The following HS6ST3 variants were observed in gnomAD, a reference collection of about 807,000 sequenced individuals.
HS6ST3 encodes the protein heparan-sulfate 6-O-sulfotransferase 3.
HS6ST3 carries 12 observed loss-of-function variants against 36.7 expected under a neutral mutation model. That is an observed-to-expected ratio of 0.33 (90% CI 0.21 to 0.53). The LOEUF (loss-of-function observed/expected upper bound fraction) is 0.53. Ranked by LOEUF, HS6ST3 falls within the 20% of genes least tolerant of loss-of-function variation. The pLI, the probability that HS6ST3 is intolerant of heterozygous loss-of-function variation, is 0.95. For synonymous variants in HS6ST3, 240 were observed against 257.5 expected (o/e 0.93, Z 0.65); for missense variants, 584 against 640.9 (o/e 0.91, Z 0.96).
intron 1 of HS6ST3, among the ~76,000 whole-genome samples, chr13:96,451,074 G>T (rs986969): frequency 0.29 from 43,782 of 149,534 alleles, 6,819 homozygotes; most frequent in South Asian, 0.46. Flanking sequence ...TCATAGAACA[G>T]TATTACCTCA....
intron 1 of HS6ST3, among the ~76,000 whole-genome samples, chr13:96,737,161 G>T (rs1377410939): frequency 2.6e-5 from 4 of 151,786 alleles, no homozygotes; most frequent in Non-Finnish European, 5.9e-5. Context: ...AGAGAAAGAA[G>T]AATTTATAAA....
At chr13:96,432,764 G>C (rs1411638242) in intron 1 of HS6ST3, among the ~76,000 whole-genome samples, 1 of 151,984 alleles carries the variant, frequency 6.6e-6, no homozygotes, top group Non-Finnish European at 1.5e-5. Context: ...GAAAATGAGA[G>C]AATCAAAATT....
intron 1 of HS6ST3, among the ~76,000 whole-genome samples, chr13:96,750,049 T>C (rs1274146918): frequency 6.6e-6 from 1 of 152,114 alleles, no homozygotes; most frequent in Non-Finnish European, 1.5e-5. Context: ...ACCACAGAGA[T>C]CTTGAACACA....
At chr13:96,102,157 G>A (rs76532441) in intron 1 of HS6ST3, among the ~76,000 whole-genome samples, 180 of 152,126 alleles carry the variant, frequency 1.2e-3, no homozygotes, top group African/African-American at 3.5e-3. Context: ...TGAAAGAGGT[G>A]GACTAATGGA....
intron 1 of HS6ST3, among the ~76,000 whole-genome samples, chr13:96,420,587 T>C (rs1423202816): frequency 6.6e-6 from 1 of 152,236 alleles, no homozygotes; most frequent in African/African-American, 2.4e-5. Context: ...TAGCCGATAA[T>C]TGATGGTCAT....
At chr13:96,712,808 G>C (rs972237903) in intron 1 of HS6ST3, among the ~76,000 whole-genome samples, 2 of 152,162 alleles carry the variant, frequency 1.3e-5, no homozygotes, top group African/African-American at 4.8e-5. Flanking sequence ...GGACTCAGTA[G>C]GTGTGATTTT....
intron 1 of HS6ST3, among the ~76,000 whole-genome samples, chr13:96,135,552 AG>A (rs1365389186): frequency 6.6e-6 from 1 of 152,204 alleles, no homozygotes; most frequent in African/African-American, 2.4e-5. Flanking sequence ...TTTGCTAACT[AG>A]GGCAGAACTA....
At chr13:96,747,179 T>C (rs113728530) in intron 1 of HS6ST3, among the ~76,000 whole-genome samples, 6 of 152,124 alleles carry the variant, frequency 3.9e-5, no homozygotes, top group Non-Finnish European at 8.8e-5. Context: ...TGATTAACAG[T>C]GGCCCAGCTC....
chr13:96,482,219 C>T (rs1299070450), intron 1 of HS6ST3, among the ~76,000 whole-genome samples: 1 of 152,144 alleles, frequency 6.6e-6, no homozygotes, highest in Non-Finnish European at 1.5e-5. Context: ...TTACTAGTTA[C>T]CTATGACACT....
chr13:96,821,721 A>T (rs1459176077), intron 1 of HS6ST3, among the ~76,000 whole-genome samples: 1 of 152,244 alleles, frequency 6.6e-6, no homozygotes, highest in East Asian at 1.9e-4. Flanking sequence ...AAGGAATGGA[A>T]TCAGATTGGA....
rs896231133 is a variant in HS6ST3, at chr13:96,529,626, A to G, written c.708-302864A>G. On this transcript the variant is annotated intron_variant, in intron 1 of 1. Transcript: ENST00000376705. ...AAACTTTTTAACATGTTGAGTCTTG[A>G]TCTTCATAGCCATTATTCTCAAGTT... Among the ~76,000 whole-genome samples the G allele has an allele frequency of 4.1e-4, 63 of 152,152 alleles. 1 individual carries two copies. Among genetic ancestry groups the G allele is most frequent in the African/African-American group, 1.5e-3 (63 of 41,534 alleles).
chr13:96,656,524 A>C (rs1378771512), intron 1 of HS6ST3, among the ~76,000 whole-genome samples: 5 of 152,290 alleles, frequency 3.3e-5, no homozygotes, highest in Admixed American at 2.6e-4. Flanking sequence ...CTCTGAAAGT[A>C]GAATAAAGGC....
intron 1 of HS6ST3, among the ~76,000 whole-genome samples, chr13:96,676,043 C>T (rs1037653573): frequency 3.9e-5 from 6 of 152,114 alleles, no homozygotes; most frequent in Admixed American, 1.3e-4. Flanking sequence ...AAGATCCACC[C>T]GTGCACAGGC....
At chr13:96,628,908 A>G (rs2056522343) in intron 1 of HS6ST3, among the ~76,000 whole-genome samples, 1 of 151,840 alleles carries the variant, frequency 6.6e-6, no homozygotes, top group African/African-American at 2.4e-5. Context: ...GAATCCGTAT[A>G]TGTGTGTGTA....
chr13:96,764,403 C>G (rs1877044503), intron 1 of HS6ST3, among the ~76,000 whole-genome samples: 1 of 152,210 alleles, frequency 6.6e-6, no homozygotes, highest in Admixed American at 6.5e-5. Context: ...AACCAAGCCT[C>G]ATTATCATTT....
intron 1 of HS6ST3, among the ~76,000 whole-genome samples, chr13:96,605,689 A>T (rs1475529315): frequency 6.6e-6 from 1 of 152,116 alleles, no homozygotes; most frequent in South Asian, 2.1e-4. Context: ...CAATTCAGAA[A>T]AGTTAAGTGA....
chr13:96,301,559 C>T (rs1433102440), intron 1 of HS6ST3, among the ~76,000 whole-genome samples: 1 of 152,072 alleles, frequency 6.6e-6, no homozygotes, highest in African/African-American at 2.4e-5. Flanking sequence ...TCTGGATCTT[C>T]CTTGTCTTTC....
intron 1 of HS6ST3, among the ~76,000 whole-genome samples, chr13:96,742,380 T>A (rs2138485920): frequency 6.6e-6 from 1 of 152,244 alleles, no homozygotes; most frequent in African/African-American, 2.4e-5. Context: ...AGAGATATTC[T>A]TTTGAATACA....
At position 96,124,642 on chromosome 13, in the gene HS6ST3, G is replaced by A. The variant is rs911759698; in HGVS notation, c.707+33073G>A. 3.3e-5 allele frequency among the ~76,000 whole-genome samples: 5 copies of A among 152,280 alleles called. No homozygotes were observed. The East Asian group carries it at 9.7e-4, about 29-fold the overall frequency. ...GGATTTCTACTTTTGAGCCAGACAT[G>A]CCTGGGTTACATGCTGAGGGCATAA... On this transcript the variant is annotated intron_variant, in intron 1 of 1. Transcript: ENST00000376705.
Sources: gnomAD v4.1 joint callset for allele counts (sites outside exome capture counted in the v4.1 genomes callset) on GRCh38, gnomAD v4.1.1 for gene constraint, MANE v1.5 for transcripts, NCBI Gene and HGNC (gene_info 2026-07-23, HGNC 2026-07-21) for gene names.